Variants in ANXA6 observed in about 807,000 individuals in gnomAD.
The protein encoded by ANXA6 is annexin A6, also known as 67 kDa calelectrin.
ANXA6 carries 71 observed loss-of-function variants against 95.4 expected under a neutral mutation model. The observed-to-expected ratio is 0.74, with a 90% confidence interval of 0.61 to 0.91. ANXA6 has a LOEUF of 0.91. ANXA6 is among the 40% of genes least tolerant of loss of function. The pLI is 0.00. For synonymous variants in ANXA6, 289 were observed against 315.9 expected, an observed-to-expected ratio of 0.91 and a Z score of 0.90; for missense variants, 830 against 876.4, an observed-to-expected ratio of 0.95 and a Z score of 0.67.
chr5:151,157,220 C>T (rs116525442), intron 1 of ANXA6, among the ~76,000 whole-genome samples: 96 of 152,316 alleles, frequency 6.3e-4, no homozygotes, highest in African/African-American at 2.0e-3. Context: ...ACACACAAGC[C>T]ATTTTATAAG....
At chr5:151,147,276 A>G (rs1322264827) in intron 2 of ANXA6, among the ~76,000 whole-genome samples, 3 of 152,230 alleles carry the variant, frequency 2.0e-5, no homozygotes, top group Non-Finnish European at 4.4e-5. Context: ...CTATATCCAG[A>G]GCAGAGAAGT....
intron 13 of ANXA6, 104 bp downstream of exon 13, chr5:151,128,077 A>T: frequency 2.0e-6 from 2 of 1,005,272 alleles, no homozygotes; most frequent in Non-Finnish European, 3.0e-6. Flanking sequence ...GGCTCAGGGG[A>T]ATCCCCAGCT....
Position 151,132,534 on chromosome 5 carries a change from A to T in ANXA6, c.678T>A (p.Ile226=). The change falls in exon 10 of 26, where the codon ATT becomes ATA. Residue 226 remains isoleucine, a synonymous_variant. Transcript: ENST00000354546. ...DEYLKTTGKP[I]EASIRGELSG... ...ACAGCTCCCCTCGGATGCTGGCTTC[A>T]ATCGGCTTCCCTGTGGTCTTCAGAT... 1 of 1,613,552 alleles carries T rather than the reference A, an allele frequency of 6.2e-7. No individual in the cohort carries two copies. The highest frequency in any genetic ancestry group is 8.5e-7 in the Non-Finnish European group (1 of 1,179,760).
In ANXA6 at chr5:151,123,792, C is replaced by T. The variant is rs114908628; in HGVS notation, c.1138+494G>A. Among the ~76,000 whole-genome samples the T allele has an allele frequency of 6.3e-3, 966 of 152,298 alleles. 8 individuals are homozygous for T. Among genetic ancestry groups the T allele is most frequent in the African/African-American group, 0.023 (936 of 41,544 alleles). On this transcript the variant is annotated intron_variant, in intron 15 of 25. Coordinates refer to ENST00000354546, the MANE Select transcript of ANXA6 (RefSeq NM_001155.5). ...TGAGCACAGGCCCAGCTGATCTGAA[C>T]CTGTGGGTGCAGTACTCTTCCCACT...
chr5:151,156,355 G>C (rs994965303), intron 1 of ANXA6, among the ~76,000 whole-genome samples: 1 of 152,178 alleles, frequency 6.6e-6, no homozygotes, highest in Non-Finnish European at 1.5e-5. Flanking sequence ...CAGCACATCC[G>C]GACTGTAACC....
chr5:151,128,410 A>G (rs931851583), intron 12 of ANXA6, 171 bp from the exon 13 acceptor site: 1 of 599,882 alleles, frequency 1.7e-6, no homozygotes, highest in African/African-American at 1.9e-5. Context: ...CTCAGCGGGC[A>G]GGTTGGAGGA....
chr5:151,136,479 T>C (rs1324792064), intron 6 of ANXA6, 144 bp from the exon 7 acceptor site: 3 of 692,100 alleles, frequency 4.3e-6, no homozygotes, highest in Non-Finnish European at 7.4e-6. Context: ...AGACCCAGGG[T>C]ATATTTTCAC....
intron 1 of ANXA6, among the ~76,000 whole-genome samples, chr5:151,148,424 C>T (rs1217443424): frequency 2.0e-5 from 3 of 152,184 alleles, no homozygotes; most frequent in African/African-American, 7.2e-5. Flanking sequence ...ACAAGGATGG[C>T]TTCAGAACCC....
intron 4 of ANXA6, 39 bp downstream of exon 4, chr5:151,139,314 C>A: frequency 7.1e-7 from 1 of 1,405,250 alleles, no homozygotes; most frequent in South Asian, 1.3e-5. Flanking sequence ...AATCATTCTT[C>A]CACCCGCACC....
intron 1 of ANXA6, among the ~76,000 whole-genome samples, chr5:151,153,447 T>C (rs1382871686): frequency 6.6e-6 from 1 of 152,222 alleles, no homozygotes; most frequent in African/African-American, 2.4e-5. Context: ...TGCCGCCTTT[T>C]CTAACAAGCC....
intron 12 of ANXA6, 95 bp from the exon 13 acceptor site, chr5:151,128,334 G>T: frequency 9.3e-7 from 1 of 1,075,924 alleles, no homozygotes; most frequent in Non-Finnish European, 1.4e-6. Context: ...AGAGGGGAAG[G>T]CTGAATGAAC....
intron 1 of ANXA6, among the ~76,000 whole-genome samples, chr5:151,151,914 C>T (rs977982653): frequency 2.0e-5 from 3 of 152,214 alleles, no homozygotes; most frequent in African/African-American, 7.2e-5. Flanking sequence ...ACTGATCATT[C>T]GTGAAACCCA....
Position 151,110,562 on chromosome 5 carries a change from C to T in ANXA6, c.1590+65G>A, listed in dbSNP as rs191943509. On this transcript the variant is annotated intron_variant, in intron 21 of 25. Coordinates refer to ENST00000354546, the MANE Select transcript of ANXA6 (RefSeq NM_001155.5). ...AATCACTGCTCGATACTGCCCCGCT[C>T]GGCCCAGTAAAGGCGGACTTTACTC... 1,035 of 1,569,750 alleles carry T rather than the reference C, an allele frequency of 6.6e-4. 10 individuals carry two copies. The Middle Eastern group carries it at 0.011, about 16-fold the overall frequency.
rs1035088780 is a variant in ANXA6, at chr5:151,104,383, C to T, written c.1840-691G>A. On this transcript the variant is annotated intron_variant, in intron 24 of 25. Coordinates refer to ENST00000354546, the MANE Select transcript of ANXA6 (RefSeq NM_001155.5). ...CAGAGCTGCCTCTGCCCCCAGGGAG[C>T]GACAAGCACCAGCCTAGGAGTCAGA... 8.5e-5 allele frequency among the ~76,000 whole-genome samples: 13 copies of T among 152,222 alleles called. 1 individual carries two copies. The highest frequency in any genetic ancestry group is 2.1e-4 in the South Asian group (1 of 4,828).
chr5:151,126,535 CTCACACCA>C, intron 13 of ANXA6, 55 bp from the exon 14 acceptor site: 1 of 1,210,888 alleles, frequency 8.3e-7, no homozygotes, highest in Non-Finnish European at 1.2e-6. Flanking sequence ...ATGGGCAACA[CTCACACCA>C]ACACACACAC....
intron 6 of ANXA6, 145 bp downstream of exon 6, chr5:151,137,086 C>T: frequency 1.4e-6 from 1 of 738,334 alleles, no homozygotes; most frequent in Non-Finnish European, 2.2e-6. Context: ...AGAGCAAGTA[C>T]TTATTGGGTA....
At chr5:151,122,567 T>A (rs890357611) in intron 16 of ANXA6, among the ~76,000 whole-genome samples, 1 of 152,130 alleles carries the variant, frequency 6.6e-6, no homozygotes, top group African/African-American at 2.4e-5. Context: ...TGTGCAATAA[T>A]CCCTGACACT....
intron 13 of ANXA6, among the ~76,000 whole-genome samples, chr5:151,126,889 G>C (rs1323494041): frequency 6.6e-6 from 1 of 152,248 alleles, no homozygotes; most frequent in African/African-American, 2.4e-5. Flanking sequence ...GCTAATTCTT[G>C]TATTTTTAGT....
chr5:151,136,167 C>A (rs1765653635), intron 7 of ANXA6, 89 bp downstream of exon 7: 1 of 1,284,688 alleles, frequency 7.8e-7, no homozygotes. Context: ...GGGAAGCTGA[C>A]CAGACCCTGG....
Sources: allele counts gnomAD v4.1 joint callset (sites outside exome capture counted in the v4.1 genomes callset), GRCh38; gene constraint gnomAD v4.1.1; transcripts MANE v1.5; gene names NCBI Gene and HGNC (gene_info 2026-07-23, HGNC 2026-07-21).